Variants in MIPOL1 observed in about 807,000 individuals in gnomAD.
MIPOL1 encodes the protein mirror-image polydactyly 1.
In MIPOL1, 57 loss-of-function variants were observed where a neutral mutation model predicts 60.9. That is an observed-to-expected ratio of 0.94 (90% confidence interval 0.76 to 1.17). The LOEUF is 1.17. MIPOL1 is among the 50% of genes most tolerant of loss of function. The pLI, the probability that MIPOL1 is intolerant of heterozygous loss-of-function variation, is 0.00. For missense variants in MIPOL1, 551 were observed against 511.6 expected (o/e 1.08, Z -0.74); for synonymous variants, 179 against 168.8 (o/e 1.06, Z -0.47).
At chr14:37,356,797 G>A (rs1235239766) in intron 9 of MIPOL1, among the ~76,000 whole-genome samples, 1 of 152,102 alleles carries the variant, frequency 6.6e-6, no homozygotes, top group Admixed American at 6.6e-5. Flanking sequence ...ACTGACCTGC[G>A]CCCACTGTCT....
At chr14:37,450,761 C>A (rs1219753814) in intron 11 of MIPOL1, among the ~76,000 whole-genome samples, 1 of 151,998 alleles carries the variant, frequency 6.6e-6, no homozygotes, top group African/African-American at 2.4e-5. Flanking sequence ...CAGATTCTTT[C>A]ATCTTTAAAT....
At chr14:37,474,318 G>A (rs2094734001) in intron 11 of MIPOL1, among the ~76,000 whole-genome samples, 1 of 152,126 alleles carries the variant, frequency 6.6e-6, no homozygotes, top group African/African-American at 2.4e-5. Flanking sequence ...TTCTTTGGCT[G>A]TGTCCCCACC....
At chr14:37,526,196 CTT>C (rs78866640) in intron 12 of MIPOL1, among the ~76,000 whole-genome samples, 52 of 133,040 alleles carry the variant, frequency 3.9e-4, no homozygotes, top group African/African-American at 9.6e-4. Context: ...TGTATATATG[CTT>C]TTTTTTTTTT....
At chr14:37,393,720 T>C (rs1227154728) in intron 10 of MIPOL1, among the ~76,000 whole-genome samples, 1 of 151,606 alleles carries the variant, frequency 6.6e-6, no homozygotes, top group African/African-American at 2.4e-5. Context: ...TTTCCATAGG[T>C]TTTTGGGGTA....
At chr14:37,305,773 T>C (rs893659780) in intron 7 of MIPOL1, among the ~76,000 whole-genome samples, 3 of 151,792 alleles carry the variant, frequency 2.0e-5, no homozygotes, top group Non-Finnish European at 4.4e-5. Flanking sequence ...TTTTAACCAG[T>C]TATATATTTT....
chr14:37,526,255 A>G (rs1430789501), intron 12 of MIPOL1, among the ~76,000 whole-genome samples: 18 of 146,958 alleles, frequency 1.2e-4, no homozygotes, highest in Admixed American at 3.4e-4. Flanking sequence ...AATGCATTTT[A>G]CACAGAATGA....
intron 3 of MIPOL1, among the ~76,000 whole-genome samples, chr14:37,252,452 G>C (rs541346544): frequency 6.6e-6 from 1 of 151,738 alleles, no homozygotes; most frequent in Non-Finnish European, 1.5e-5. Flanking sequence ...CCTTATTTTA[G>C]AATTGGACTG....
intron 10 of MIPOL1, among the ~76,000 whole-genome samples, chr14:37,395,377 A>T (rs537458857): frequency 2.0e-5 from 3 of 152,268 alleles, no homozygotes; most frequent in Admixed American, 1.3e-4. Flanking sequence ...CTACCCATCC[A>T]TGAGTGTGGG....
intron 9 of MIPOL1, among the ~76,000 whole-genome samples, chr14:37,362,317 T>G (rs1445210824): frequency 6.6e-6 from 1 of 152,200 alleles, no homozygotes; most frequent in Non-Finnish European, 1.5e-5. Flanking sequence ...GGTGGCAAAA[T>G]CTCTCAGCAT....
intron 7 of MIPOL1, among the ~76,000 whole-genome samples, chr14:37,307,796 A>G (rs1453298915): frequency 6.6e-6 from 1 of 152,084 alleles, no homozygotes; most frequent in African/African-American, 2.4e-5. Context: ...TCATCTAAGC[A>G]CATATGAACA....
At chr14:37,437,497 A>T (rs1403506233) in intron 11 of MIPOL1, among the ~76,000 whole-genome samples, 2 of 152,194 alleles carry the variant, frequency 1.3e-5, no homozygotes, top group African/African-American at 4.8e-5. Flanking sequence ...TTAAATTATA[A>T]TTAATAATGA....
At chr14:37,359,650 A>G (rs1460250121) in intron 9 of MIPOL1, among the ~76,000 whole-genome samples, 1 of 152,082 alleles carries the variant, frequency 6.6e-6, no homozygotes, top group Admixed American at 6.6e-5. Flanking sequence ...GTGTATAGGA[A>G]TACTTTTGAT....
intron 12 of MIPOL1, chr14:37,505,986 G>A (rs2095272234): frequency 6.6e-6 from 1 of 152,036 alleles, no homozygotes; most frequent in Non-Finnish European, 1.5e-5. Context: ...AATCATGAGG[G>A]AATTCCCATT....
chr14:37,247,900 G>C lies in MIPOL1; in HGVS notation c.12G>C (p.Trp4Cys), dbSNP rs776061034. The part of the protein sequence containing the change: MEN[W>C]SKDITHSYLE... ...GAACAGAAATACAAATGGAGAACTGGTCAAAAGGTAAGGACTTTTAAGGTA... is the reference window on the plus strand; with the variant it reads ...GAACAGAAATACAAATGGAGAACTGCTCAAAAGGTAAGGACTTTTAAGGTA... The change falls in exon 3 of 13, where the codon TGG (tryptophan) becomes TGC (cysteine). Residue 4 changes from tryptophan (W) to cysteine (C), a missense_variant. By Grantham distance (215) the Trp-to-Cys change is radical. Coordinates refer to ENST00000684589, the MANE Select transcript of MIPOL1 (RefSeq NM_001388067.1). 1 of 1,613,190 alleles carries C rather than the reference G, an allele frequency of 6.2e-7. No individual in the cohort carries two copies. The highest frequency in any genetic ancestry group is 1.1e-5 in the South Asian group (1 of 90,998).
chr14:37,307,795 C>T (rs1421942049), intron 7 of MIPOL1, among the ~76,000 whole-genome samples: 1 of 151,986 alleles, frequency 6.6e-6, no homozygotes, highest in Non-Finnish European at 1.5e-5. Context: ...TTCATCTAAG[C>T]ACATATGAAC....
chr14:37,371,491 A>G (rs2092637670), intron 10 of MIPOL1, among the ~76,000 whole-genome samples: 1 of 151,488 alleles, frequency 6.6e-6, no homozygotes, highest in African/African-American at 2.4e-5. Flanking sequence ...TTTTTTTGCA[A>G]AAGTCTGAAA....
chr14:37,417,848 A>G (rs1345361001), intron 10 of MIPOL1, among the ~76,000 whole-genome samples: 3 of 152,176 alleles, frequency 2.0e-5, no homozygotes, highest in Non-Finnish European at 4.4e-5. Flanking sequence ...GTGGTCTTCT[A>G]TGGTAAAATA....
chr14:37,249,867 C>T (rs1973810259), intron 3 of MIPOL1, among the ~76,000 whole-genome samples: 1 of 151,994 alleles, frequency 6.6e-6, no homozygotes, highest in Non-Finnish European at 1.5e-5. Flanking sequence ...TGTTGTGTTT[C>T]TCATTCACAC....
At chr14:37,286,211 T>C (rs1001256264) in intron 7 of MIPOL1, among the ~76,000 whole-genome samples, 4 of 152,184 alleles carry the variant, frequency 2.6e-5, no homozygotes, top group African/African-American at 9.7e-5. Flanking sequence ...TTGAATAGGG[T>C]GGAGCCTAAG....
Sources: gnomAD v4.1 joint callset for allele counts (sites outside exome capture counted in the v4.1 genomes callset) on GRCh38, gnomAD v4.1.1 for gene constraint, MANE v1.5 for transcripts, NCBI Gene and HGNC (gene_info 2026-07-23, HGNC 2026-07-21) for gene names.